Variants in LARP4B observed in about 807,000 individuals in gnomAD.
LARP4B encodes the protein La ribonucleoprotein 4B.
Under a neutral mutation model 89.8 loss-of-function variants are expected in LARP4B, and 12 were observed. That is an observed-to-expected ratio of 0.13 (90% CI 0.09 to 0.22). The LOEUF (loss-of-function observed/expected upper bound fraction) is 0.22. Among genes scored for constraint, LARP4B ranks in the 10% least tolerant of loss-of-function variants. LARP4B has a pLI of 1.00. For missense variants in LARP4B, 757 were observed against 947.7 expected (o/e 0.80, Z 2.64); for synonymous variants, 367 against 363.3 (o/e 1.01, Z -0.12).
chr10:946,325 A>G, the LARP4B span, among the ~76,000 whole-genome samples: 1 of 152,124 alleles, frequency 6.6e-6, no homozygotes, highest in Non-Finnish European at 1.5e-5. Context: ...TTCTGTGGGA[A>G]ACTTTCTAGG....
intron 5 of LARP4B, among the ~76,000 whole-genome samples, chr10:847,395 C>G (rs1249923693): frequency 2.6e-5 from 4 of 152,060 alleles, no homozygotes; most frequent in Admixed American, 2.6e-4. Flanking sequence ...GATGGAGTCA[C>G]AGGGGCTAGG....
chr10:975,739 T>C, the LARP4B span, among the ~76,000 whole-genome samples: 6 of 151,480 alleles, frequency 4.0e-5, no homozygotes, highest in South Asian at 2.1e-4. Context: ...AAGGTAGGCC[T>C]GTCACGTAAT....
rs1448876605 is a variant in LARP4B, at chr10:825,845, A to C, written c.1151T>G (p.Phe384Cys). The change falls in exon 12 of 18, where the codon TTT becomes TGT. Residue 384 changes from phenylalanine to cysteine, a missense_variant. By Grantham distance (205) the Phe-to-Cys change is radical. Around this residue, in one of 5 missense-constraint regions of LARP4B, gnomAD observed 137 missense variants for 213.9 expected, o/e 0.64. Transcript: ENST00000316157. Reference protein sequence around the residue: ...PLVTPFPNTGFINGFTSPAFK... With the variant: ...PLVTPFPNTGCINGFTSPAFK... ...CGCTGGAGACGTAAACCCATTTATA[A>C]ATCCAGTATTTGGAAATGGAGTTAC... is the stretch of plus-strand genomic sequence containing the variant. The C allele has an allele frequency of 1.2e-6, 2 of 1,612,598 alleles. No homozygotes were observed. The highest frequency in any genetic ancestry group is 2.2e-5 in the South Asian group (2 of 90,628).
At chr10:895,191 ATAAAATAAAATAACG>A (rs1836149165) in intron 1 of LARP4B, among the ~76,000 whole-genome samples, 1 of 152,042 alleles carries the variant, frequency 6.6e-6, no homozygotes, top group African/African-American at 2.4e-5. Context: ...GTCTCAAAAA[ATAAAATAAAATAACG>A]TAAAATAAAA....
chr10:807,206 G>A (rs1197693556), downstream of LARP4B: 3 of 152,276 alleles, frequency 2.0e-5, no homozygotes, highest in Non-Finnish European at 4.4e-5. Flanking sequence ...GATCCTAAAT[G>A]TGCATGCGTG....
chr10:927,383 T>C (rs937259124), intron 1 of LARP4B, among the ~76,000 whole-genome samples: 1 of 152,194 alleles, frequency 6.6e-6, no homozygotes, highest in Non-Finnish European at 1.5e-5. Context: ...AAACAAAGCA[T>C]TAGAACGTTA....
chr10:811,260 C>A lies in LARP4B; in HGVS notation c.*1666G>T, dbSNP rs1007154227. 1.3e-5 allele frequency: 2 copies of A among 152,620 alleles called. No individual in the cohort carries two copies. The highest frequency in any genetic ancestry group is 4.8e-5 in the African/African-American group (2 of 41,442). The allele number at this position is 152,620 out of a possible 1,614,324, so 9.5% of individuals were successfully genotyped here. A position where few individuals can be genotyped will look rare whatever the true frequency, so the allele number is the denominator to read the frequency against. The stretch of plus-strand genomic sequence containing the variant: ...TTATCTACATCCCGCTCAACAGCAA[C>A]ATTTATAATATATCAATAATCTGTA... On this transcript the variant is annotated 3_prime_UTR_variant, in exon 18 of 18. Transcript: ENST00000316157.
chr10:900,420 C>CTTTTTTTATT (rs1836306292), intron 1 of LARP4B, among the ~76,000 whole-genome samples: 1 of 45,230 alleles, frequency 2.2e-5, no homozygotes, highest in African/African-American at 8.7e-5. Context: ...AGAAGGATGT[C>CTTTTTTTATT]TTTTTTTTTT....
chr10:929,477 T>C (rs1459374367), intron 1 of LARP4B, among the ~76,000 whole-genome samples: 1 of 151,908 alleles, frequency 6.6e-6, no homozygotes, highest in Non-Finnish European at 1.5e-5. Context: ...TGCCTGTAAA[T>C]CCCAGCTACT....
intron 7 of LARP4B, among the ~76,000 whole-genome samples, chr10:842,191 A>G (rs1833553940): frequency 6.6e-6 from 1 of 151,624 alleles, no homozygotes; most frequent in African/African-American, 2.4e-5. Context: ...AACTTCACTC[A>G]CAACATAATT....
At chr10:844,371 C>T (rs1257810924) in intron 6 of LARP4B, among the ~76,000 whole-genome samples, 2 of 152,244 alleles carry the variant, frequency 1.3e-5, no homozygotes, top group Admixed American at 6.5e-5. Context: ...CCACCTCATA[C>T]ACCCCACAGG....
In LARP4B at chr10:829,275, G is replaced by C. The variant is rs142835606; in HGVS notation, c.1125+110C>G. 1.5e-3 allele frequency: 1,350 copies of C among 879,024 alleles called. 9 individuals are homozygous for C. The African/African-American group carries it at 0.02, about 13-fold the overall frequency. 54.5% of individuals were successfully genotyped at this position (879,024 alleles called of 1,614,324 possible). A position where few individuals can be genotyped will look rare whatever the true frequency, so the allele number is the denominator to read the frequency against. Reference sequence around the variant, plus strand: ...CCACATAACTTGAAGGTCTGTTTTAGTATGTCAGACTGCACACATATCTGG... The same window carrying C: ...CCACATAACTTGAAGGTCTGTTTTACTATGTCAGACTGCACACATATCTGG... On this transcript the variant is annotated intron_variant, in intron 11 of 17. Coordinates refer to ENST00000316157, the MANE Select transcript of LARP4B (RefSeq NM_015155.3).
chr10:974,620 C>T, the LARP4B span, among the ~76,000 whole-genome samples: 1 of 152,198 alleles, frequency 6.6e-6, no homozygotes, highest in Non-Finnish European at 1.5e-5. Context: ...ACTGCTCTGA[C>T]CTGGGCTGCT....
chr10:880,145 T>A (rs941491690), intron 3 of LARP4B, among the ~76,000 whole-genome samples: 2 of 152,162 alleles, frequency 1.3e-5, no homozygotes, highest in Non-Finnish European at 2.9e-5. Context: ...AAGATTAACA[T>A]ACCAAGAGCA....
At chr10:908,145 TGCAGTGAGCCTGA>T (rs1192342485) in intron 1 of LARP4B, among the ~76,000 whole-genome samples, 2 of 152,158 alleles carry the variant, frequency 1.3e-5, no homozygotes, top group African/African-American at 4.8e-5. Context: ...AGGTGGAGGT[TGCAGTGAGCCTGA>T]GCCAAGATCA....
At chr10:930,103 CACCACCTG>C (rs1837257805) in intron 1 of LARP4B, among the ~76,000 whole-genome samples, 1 of 152,054 alleles carries the variant, frequency 6.6e-6, no homozygotes, top group South Asian at 2.1e-4. Context: ...ACACTGCACA[CACCACCTG>C]ACCACCAAGA....
chr10:930,083 T>G (rs1837257411), intron 1 of LARP4B, among the ~76,000 whole-genome samples: 1 of 151,710 alleles, frequency 6.6e-6, no homozygotes, highest in Non-Finnish European at 1.5e-5. Flanking sequence ...TGGGGAAGTA[T>G]GGAAATTGCA....
At chr10:880,323 G>GT (rs1564427808) in intron 3 of LARP4B, among the ~76,000 whole-genome samples, 2 of 152,038 alleles carry the variant, frequency 1.3e-5, no homozygotes, top group African/African-American at 4.8e-5. Flanking sequence ...AGGCAAAGGT[G>GT]GTTTTTTGAA....
In LARP4B at chr10:822,042, G is replaced by C. The variant is rs563693130; in HGVS notation, c.1485-1197C>G. The stretch of plus-strand genomic sequence containing the variant: ...GGGTCCTGGGCCTGCATTATGGACA[G>C]CCACCCCAGTACACACCTGGCTCAG... On this transcript the variant is annotated intron_variant, in intron 13 of 17. Coordinates refer to ENST00000316157, the MANE Select transcript of LARP4B (RefSeq NM_015155.3). The surrounding 1 kb of genome is among the most constrained non-coding windows in gnomAD (Gnocchi z 4.6). Among the ~76,000 whole-genome samples the C allele has an allele frequency of 1.9e-3, 287 of 151,732 alleles. 1 individual carries two copies. Among genetic ancestry groups the C allele is most frequent in the Non-Finnish European group, 3.0e-3 (206 of 67,614 alleles).
Sources: allele counts gnomAD v4.1 joint callset (sites outside exome capture counted in the v4.1 genomes callset), GRCh38; gene constraint gnomAD v4.1.1; regional missense constraint gnomAD v4.1.1; non-coding constraint Gnocchi (gnomAD v3.1); transcripts MANE v1.5; gene names NCBI Gene and HGNC (gene_info 2026-07-23, HGNC 2026-07-21).